Variants in RALYL observed in about 807,000 individuals in gnomAD.
The protein encoded by RALYL is RALY RNA binding protein like, also known as RNA-binding Raly-like protein.
RALYL carries 29 observed loss-of-function variants against 35.1 expected under a neutral mutation model. The ratio of observed to expected loss-of-function variants is 0.83; its 90% CI spans 0.61 to 1.13. The LOEUF (loss-of-function observed/expected upper bound fraction) is 1.13, where lower values mean the gene tolerates loss of function less well. RALYL is among the 50% of genes most tolerant of loss of function. RALYL has a pLI of 0.00. For synonymous variants in RALYL, 120 were observed against 127.6 expected, an observed-to-expected ratio of 0.94 and a Z score of 0.40; for missense variants, 359 against 360.4, an observed-to-expected ratio of 1.00 and a Z score of 0.03.
intron 1 of RALYL, among the ~76,000 whole-genome samples, chr8:84,245,524 T>A (rs1828890432): frequency 6.6e-6 from 1 of 152,144 alleles, no homozygotes; most frequent in Non-Finnish European, 1.5e-5. Context: ...AAATAGAAAA[T>A]GCTTGAAAGG....
In RALYL at chr8:84,883,886, G is replaced by T. The variant is rs1356752675; in HGVS notation, c.686-3718G>T. Among the ~76,000 whole-genome samples, 20 of 152,042 alleles carry T rather than the reference G, an allele frequency of 1.3e-4. 1 individual carries two copies. The highest frequency in any genetic ancestry group is 1.3e-3 in the Admixed American group (20 of 15,242). On this transcript the variant is annotated intron_variant, in intron 7 of 8. Coordinates refer to ENST00000521268, the MANE Select transcript of RALYL (RefSeq NM_173848.7). Reference sequence around the variant, plus strand: ...GTTTTGAGCCTGTTATAACATGTTTGTGTGGTCTTTGCAGTTTAAAAAACA... The same window carrying T: ...GTTTTGAGCCTGTTATAACATGTTTTTGTGGTCTTTGCAGTTTAAAAAACA...
intron 1 of RALYL, among the ~76,000 whole-genome samples, chr8:84,363,099 G>T (rs1853437355): frequency 6.6e-6 from 1 of 152,128 alleles, no homozygotes; most frequent in Admixed American, 6.5e-5. Context: ...TATTGTAGGT[G>T]CTCTGGGCAG....
intron 2 of RALYL, among the ~76,000 whole-genome samples, chr8:84,542,397 C>A (rs1408572659): frequency 6.6e-6 from 1 of 151,826 alleles, no homozygotes; most frequent in Non-Finnish European, 1.5e-5. Context: ...TCTTAAATAA[C>A]CACAATATTA....
rs77904846 is a variant in RALYL at position 84,406,628 on chromosome 8, G to T, written c.-23-122671G>T. 9.2e-3 allele frequency among the ~76,000 whole-genome samples: 1,403 copies of T among 151,794 alleles called. 12 individuals are homozygous for T. Among genetic ancestry groups the T allele is most frequent in the African/African-American group, 0.031 (1,294 of 41,366 alleles). On this transcript the variant is annotated intron_variant, in intron 1 of 8. Transcript: ENST00000521268. The stretch of plus-strand genomic sequence containing the variant: ...GAATAAACCATTTACACAAACATAC[G>T]CATACAACCTCTTACCTAGGAACAT...
chr8:84,583,995 A>G (rs912423107), intron 2 of RALYL, among the ~76,000 whole-genome samples: 2 of 152,164 alleles, frequency 1.3e-5, no homozygotes, highest in African/African-American at 2.4e-5. Context: ...GTAGGTGTAT[A>G]TATTTATGGG....
chr8:84,652,948 G>T (rs190703539), intron 2 of RALYL, among the ~76,000 whole-genome samples: 1 of 151,978 alleles, frequency 6.6e-6, no homozygotes, highest in South Asian at 2.1e-4. Flanking sequence ...CTAGAAATAT[G>T]GTTTCTACTT....
chr8:84,282,387 A>G (rs988181856), intron 1 of RALYL, among the ~76,000 whole-genome samples: 3 of 152,080 alleles, frequency 2.0e-5, no homozygotes, highest in African/African-American at 7.2e-5. Flanking sequence ...AGTAATTGCT[A>G]AAGGATATTT....
chr8:84,536,002 C>T, intron 2 of RALYL, among the ~76,000 whole-genome samples: 1 of 152,134 alleles, frequency 6.6e-6, no homozygotes, highest in South Asian at 2.1e-4. Context: ...TTGACAGTAA[C>T]TCATAATTTA....
At chr8:84,428,060 G>T (rs1438062669) in intron 1 of RALYL, among the ~76,000 whole-genome samples, 1 of 147,956 alleles carries the variant, frequency 6.8e-6, no homozygotes, top group African/African-American at 2.5e-5. Flanking sequence ...GATCCGGCTC[G>T]CTTGCGCTTG....
chr8:84,492,902 T>C lies in RALYL; in HGVS notation c.-23-36397T>C, dbSNP rs559526641. 3.4e-5 allele frequency among the ~76,000 whole-genome samples: 5 copies of C among 148,504 alleles called. No individual in the cohort carries two copies. The South Asian group carries it at 1.0e-3, about 31-fold the overall frequency. On this transcript the variant is annotated intron_variant, in intron 1 of 8. Transcript: ENST00000521268. Reference sequence around the variant, plus strand: ...ACCTACTTAGAGTAGACACAATATATATCCATCTTTTTTTAAAAACTCTAA... The same window carrying C: ...ACCTACTTAGAGTAGACACAATATACATCCATCTTTTTTTAAAAACTCTAA...
intron 1 of RALYL, among the ~76,000 whole-genome samples, chr8:84,509,096 A>G (rs184629843): frequency 6.6e-6 from 1 of 152,278 alleles, no homozygotes; most frequent in Admixed American, 6.5e-5. Context: ...ATTCTATTGG[A>G]GAAAGAGAAA....
chr8:84,839,508 GGCCT>G (rs1426721900), intron 4 of RALYL, among the ~76,000 whole-genome samples: 1 of 152,202 alleles, frequency 6.6e-6, no homozygotes, highest in Non-Finnish European at 1.5e-5. Flanking sequence ...AGCTCAAGGA[GGCCT>G]GCCTGCCTCT....
intron 7 of RALYL, among the ~76,000 whole-genome samples, chr8:84,886,310 A>C (rs1389142023): frequency 6.6e-6 from 1 of 152,076 alleles, no homozygotes; most frequent in African/African-American, 2.4e-5. Flanking sequence ...CAGTTTGTTG[A>C]TTTATATATT....
chr8:84,482,948 T>A (rs2054205374), intron 1 of RALYL, among the ~76,000 whole-genome samples: 1 of 152,116 alleles, frequency 6.6e-6, no homozygotes, highest in Admixed American at 6.6e-5. Flanking sequence ...GCCTAGATTG[T>A]TAGATACAGA....
In RALYL at chr8:84,464,536, A is replaced by C. The variant is rs1159102067; in HGVS notation, c.-23-64763A>C. Among the ~76,000 whole-genome samples, 3 of 150,036 alleles carry C rather than the reference A, an allele frequency of 2.0e-5. No individual in the cohort carries two copies. The East Asian group carries it at 5.9e-4, about 30-fold the overall frequency. On this transcript the variant is annotated intron_variant, in intron 1 of 8. Transcript: ENST00000521268. ...GTGCCACATTTTCTTAATCCAGTCT[A>C]TCATTGTTGGACATTTGGGTTGGTT...
At chr8:84,356,370 A>G (rs1851826331) in intron 1 of RALYL, among the ~76,000 whole-genome samples, 1 of 150,382 alleles carries the variant, frequency 6.6e-6, no homozygotes, top group South Asian at 2.1e-4. Flanking sequence ...CCCTTCTTTC[A>G]CATATCAAGA....
At chr8:84,910,966 T>G (rs1847412678) in intron 8 of RALYL, among the ~76,000 whole-genome samples, 1 of 152,122 alleles carries the variant, frequency 6.6e-6, no homozygotes, top group Non-Finnish European at 1.5e-5. Flanking sequence ...TTGATCTCCA[T>G]TATTTACTGA....
chr8:84,737,917 T>C (rs931017286), intron 2 of RALYL, among the ~76,000 whole-genome samples: 2 of 152,044 alleles, frequency 1.3e-5, no homozygotes, highest in Admixed American at 1.3e-4. Context: ...CCTCCAGAAC[T>C]GTAAGAAATA....
chr8:84,209,189 T>C (rs1818828981), intron 1 of RALYL, among the ~76,000 whole-genome samples: 1 of 148,016 alleles, frequency 6.8e-6, no homozygotes. Context: ...ACAAGAAGCC[T>C]ATTTTTAGGA....
Sources: allele counts gnomAD v4.1 joint callset (sites outside exome capture counted in the v4.1 genomes callset), GRCh38; gene constraint gnomAD v4.1.1; transcripts MANE v1.5; gene names NCBI Gene and HGNC (gene_info 2026-07-23, HGNC 2026-07-21).